PDE7A: variants seen among roughly 807,000 people sequenced by gnomAD.
PDE7A encodes high affinity 3',5'-cyclic-AMP phosphodiesterase 7A.
Under a neutral mutation model 64.3 loss-of-function variants are expected in PDE7A, and 39 were observed. That is an observed-to-expected ratio of 0.61 (90% CI 0.47 to 0.79). PDE7A has a LOEUF of 0.79. Ranked by LOEUF, PDE7A falls within the 30% of genes least tolerant of loss-of-function variation. PDE7A has a pLI of 0.00. For missense variants in PDE7A, 470 were observed against 582.8 expected (o/e 0.81, Z 1.99); for synonymous variants, 203 against 206.8 (o/e 0.98, Z 0.16).
intron 1 of PDE7A, among the ~76,000 whole-genome samples, chr8:65,812,314 T>C (rs1810276661): frequency 6.6e-6 from 1 of 151,926 alleles, no homozygotes; most frequent in Non-Finnish European, 1.5e-5. Context: ...AGATGCAGTA[T>C]TTAATAAATG....
intron 3 of PDE7A, among the ~76,000 whole-genome samples, chr8:65,761,219 C>A (rs1222466062): frequency 1.3e-5 from 2 of 152,152 alleles, no homozygotes; most frequent in African/African-American, 4.8e-5. Flanking sequence ...GCACGCACCA[C>A]CATGCCCAGC....
chr8:65,798,259 C>T (rs1585926587), intron 1 of PDE7A, among the ~76,000 whole-genome samples: 2 of 142,024 alleles, frequency 1.4e-5, no homozygotes, highest in South Asian at 2.2e-4. Context: ...TGCTGGAGTG[C>T]AGTGCAGTGG....
Position 65,724,179 on chromosome 8 carries a change from T to C in PDE7A, c.1162+76A>G, listed in dbSNP as rs1402305154. The stretch of plus-strand genomic sequence containing the variant: ...TCTACTGCTAGACCCATATAAATTA[T>C]TGAGTTATTTTATTCTTACGATGTT... On this transcript the variant is annotated intron_variant, in intron 11 of 12. Coordinates refer to ENST00000401827, the MANE Select transcript of PDE7A (RefSeq NM_001242318.3). 7 of 871,992 alleles carry C rather than the reference T, an allele frequency of 8.0e-6. No homozygotes were observed. The East Asian group carries it at 1.0e-4, about 12-fold the overall frequency. 54.0% of individuals were successfully genotyped at this position (871,992 alleles called of 1,614,324 possible).
Position 65,730,171 on chromosome 8 carries a change from C to CTTTTTTTTTTTTTTTT in PDE7A, c.697-2886_697-2871dup, listed in dbSNP as rs1179431555. Among the ~76,000 whole-genome samples, 55 of 86,444 alleles carry CTTTTTTTTTTTTTTTT rather than the reference C, an allele frequency of 6.4e-4. 7 individuals carry two copies. Among genetic ancestry groups the CTTTTTTTTTTTTTTTT allele is most frequent in the African/African-American group, 1.3e-3 (28 of 20,936 alleles). 56.7% of individuals were successfully genotyped at this position (86,444 alleles called of 152,430 possible). The stretch of plus-strand genomic sequence containing the variant: ...TGTGAGGGATCCAGGTTGCGCACTT[C>CTTTTTTTTTTTTTTTT]TTTTTTTTTTTTTTTTTTTTTTTTT... On this transcript the variant is annotated intron_variant, in intron 7 of 12. Transcript: ENST00000401827.
chr8:65,786,819 C>T (rs954895269), intron 1 of PDE7A, among the ~76,000 whole-genome samples: 2 of 152,098 alleles, frequency 1.3e-5, no homozygotes, highest in Admixed American at 6.5e-5. Flanking sequence ...GCTTGTAAAG[C>T]GAACTAGTAT....
intron 3 of PDE7A, 57 bp downstream of exon 3, chr8:65,779,663 A>C: frequency 1.1e-6 from 1 of 903,196 alleles, no homozygotes; most frequent in Non-Finnish European, 1.8e-6. Context: ...AAAACTGTGT[A>C]ATTTTATTAA....
chr8:65,719,561 A>G, intron 12 of PDE7A, 66 bp from the exon 13 acceptor site: 1 of 1,039,706 alleles, frequency 9.6e-7, no homozygotes, highest in Non-Finnish European at 1.5e-6. Context: ...AACATCATCT[A>G]TACAACATTA....
rs1002645003 is a variant in PDE7A at position 65,714,672 on chromosome 8, C to G, written c.*4618G>C. 6.6e-6 allele frequency: 1 copy of G among 152,128 alleles called. No individual in the cohort carries two copies. The highest frequency in any genetic ancestry group is 2.4e-5 in the African/African-American group (1 of 41,428). The allele number at this position is 152,128 out of a possible 1,614,324, so 9.4% of individuals were successfully genotyped here. ...TGTGTATTTTCTCAATCAGGAGATA[C>G]CGATTGAGGGGATTTTAAACAACAT... On this transcript the variant is annotated 3_prime_UTR_variant, in exon 13 of 13. Coordinates refer to ENST00000401827, the MANE Select transcript of PDE7A (RefSeq NM_001242318.3).
rs759607304 is a variant in PDE7A, at chr8:65,724,791, G to A, written c.1051C>T (p.His351Tyr). 3.1e-6 allele frequency: 5 copies of A among 1,605,238 alleles called. No homozygotes were observed. The highest frequency in any genetic ancestry group is 1.3e-5 in the African/African-American group (1 of 74,510). ...CCCCATTTTACCTGTAAAACCAAAT[G>A]TCTGTGTCTGGTGTCTTCTAGGCAT... ...DLCLEDTRHR[H>Y]LVLQMALKCA... Residue 351 changes from histidine to tyrosine, a missense_variant, in exon 10 of 13, where the codon CAT becomes TAT. His to Tyr is a moderately conservative substitution (Grantham distance 83). Coordinates refer to ENST00000401827, the MANE Select transcript of PDE7A (RefSeq NM_001242318.3).
intron 3 of PDE7A, among the ~76,000 whole-genome samples, chr8:65,768,384 G>A (rs907061470): frequency 2.0e-5 from 3 of 152,056 alleles, no homozygotes; most frequent in African/African-American, 4.8e-5. Context: ...TGAATCATGG[G>A]GGTGCTAATT....
At chr8:65,819,975 C>A (rs1810502993) in intron 1 of PDE7A, among the ~76,000 whole-genome samples, 1 of 152,228 alleles carries the variant, frequency 6.6e-6, no homozygotes, top group Non-Finnish European at 1.5e-5. Context: ...AATTGTACAA[C>A]CATGACAAGT....
chr8:65,798,163 C>CAT (rs1351855297), intron 1 of PDE7A, among the ~76,000 whole-genome samples: 1 of 136,184 alleles, frequency 7.3e-6, no homozygotes, highest in Non-Finnish European at 1.5e-5. Context: ...GAAATATATA[C>CAT]ATGTGTGTGT....
intron 1 of PDE7A, among the ~76,000 whole-genome samples, chr8:65,798,208 T>TATATATA (rs1282422397): frequency 3.8e-5 from 4 of 106,552 alleles, no homozygotes; most frequent in African/African-American, 1.0e-4. Context: ...ATATATATAT[T>TATATATA]TTTTTTTTTT....
chr8:65,739,166 G>A (rs1047171151), intron 6 of PDE7A, among the ~76,000 whole-genome samples: 6 of 152,148 alleles, frequency 3.9e-5, no homozygotes, highest in African/African-American at 1.2e-4. Context: ...ATCTATTATG[G>A]TGCCAAACTC....
chr8:65,739,205 CTA>C (rs1226281718), intron 6 of PDE7A, among the ~76,000 whole-genome samples: 3 of 152,320 alleles, frequency 2.0e-5, no homozygotes, highest in East Asian at 3.9e-4. Flanking sequence ...TAACAGAAGA[CTA>C]TGTAGAGCCG....
chr8:65,739,068 A>G (rs117344588), intron 6 of PDE7A, among the ~76,000 whole-genome samples: 6,136 of 152,326 alleles, frequency 0.04, 181 homozygotes, highest in Non-Finnish European at 0.062. Context: ...CGGCCTGGGG[A>G]TATCAGCTCT....
intron 8 of PDE7A, 21 bp from the exon 9 acceptor site, chr8:65,726,987 G>T: frequency 7.4e-7 from 1 of 1,351,196 alleles, no homozygotes; most frequent in Non-Finnish European, 1.1e-6. Flanking sequence ...GGACGTTTCT[G>T]AGTTACTTAA....
chr8:65,804,848 T>C (rs763105767), intron 1 of PDE7A, among the ~76,000 whole-genome samples: 17 of 151,836 alleles, frequency 1.1e-4, no homozygotes, highest in Non-Finnish European at 2.4e-4. Flanking sequence ...CAAGTTTTCT[T>C]TTATTTTGAG....
chr8:65,840,871 C>T (rs914302828), intron 1 of PDE7A, among the ~76,000 whole-genome samples: 19 of 152,256 alleles, frequency 1.2e-4, no homozygotes, highest in African/African-American at 4.6e-4. Context: ...ACTACAGCAA[C>T]GGGGCATCTA....
Sources: allele counts gnomAD v4.1 joint callset (sites outside exome capture counted in the v4.1 genomes callset), GRCh38; gene constraint gnomAD v4.1.1; transcripts MANE v1.5; gene names NCBI Gene and HGNC (gene_info 2026-07-23, HGNC 2026-07-21).